TCERG1L: variants seen among roughly 807,000 people sequenced by gnomAD.
TCERG1L encodes transcription elongation regulator 1 like, also known as transcription elongation regulator 1-like protein.
In TCERG1L, 37 loss-of-function variants were observed where a neutral mutation model predicts 56.3. That is an observed-to-expected ratio of 0.66 (90% confidence interval 0.51 to 0.87). TCERG1L has a LOEUF of 0.87. Ranked by LOEUF, TCERG1L falls within the 40% of genes least tolerant of loss-of-function variation. The probability of loss-of-function intolerance (pLI) is 0.00; values close to 1 mark genes in which losing one functional copy is unlikely to be tolerated. For synonymous variants in TCERG1L, 324 were observed against 326.3 expected, an observed-to-expected ratio of 0.99 and a Z score of 0.08; for missense variants, 799 against 774.2, an observed-to-expected ratio of 1.03 and a Z score of -0.38.
intron 8 of TCERG1L, among the ~76,000 whole-genome samples, chr10:131,127,184 A>G (rs1317976593): frequency 6.6e-6 from 1 of 152,208 alleles, no homozygotes; most frequent in Non-Finnish European, 1.5e-5. Context: ...ATCTCCCCAG[A>G]GTCTAAGCAC....
At chr10:131,304,062 G>A (rs977965696) in intron 3 of TCERG1L, among the ~76,000 whole-genome samples, 3 of 151,948 alleles carry the variant, frequency 2.0e-5, no homozygotes, top group Admixed American at 6.6e-5. Flanking sequence ...TTTGAATGAA[G>A]AGAGGTACAG....
intron 4 of TCERG1L, among the ~76,000 whole-genome samples, chr10:131,232,263 A>G (rs1349050026): frequency 2.0e-5 from 3 of 152,344 alleles, no homozygotes; most frequent in African/African-American, 7.2e-5. Context: ...CCATCACTCC[A>G]TATAGGCACT....
At chr10:131,153,332 A>G (rs1845884843) in intron 6 of TCERG1L, among the ~76,000 whole-genome samples, 1 of 152,080 alleles carries the variant, frequency 6.6e-6, no homozygotes, top group African/African-American at 2.4e-5. Context: ...ACCTTCACCA[A>G]AGGTCAGGGC....
At chr10:131,210,918 T>C (rs1171713667) in intron 4 of TCERG1L, among the ~76,000 whole-genome samples, 2 of 152,184 alleles carry the variant, frequency 1.3e-5, no homozygotes, top group African/African-American at 2.4e-5. Context: ...CTTCATGTCA[T>C]CACTATTTCA....
chr10:131,257,238 A>T (rs1447051355), intron 4 of TCERG1L, among the ~76,000 whole-genome samples: 1 of 152,036 alleles, frequency 6.6e-6, no homozygotes, highest in Non-Finnish European at 1.5e-5. Context: ...GGGAGGGGCC[A>T]GCCTGATAAA....
intron 8 of TCERG1L, among the ~76,000 whole-genome samples, chr10:131,128,145 G>A (rs11017740): frequency 0.058 from 8,795 of 152,004 alleles, 546 homozygotes; most frequent in East Asian, 0.34. Flanking sequence ...AGAAATGAAA[G>A]GGAAAAAGTG....
intron 3 of TCERG1L, among the ~76,000 whole-genome samples, chr10:131,290,578 CT>C (rs1316831010): frequency 6.9e-6 from 1 of 144,850 alleles, no homozygotes; most frequent in Non-Finnish European, 1.5e-5. Context: ...TTGCAGTGAG[CT>C]GAGATCGCGC....
Position 131,192,430 on chromosome 10 carries a change from A to C in TCERG1L, c.857-25545T>G. Among the ~76,000 whole-genome samples, 2 of 144,500 alleles carry C rather than the reference A, an allele frequency of 1.4e-5. 1 individual carries two copies. 94.8% of individuals were successfully genotyped at this position (144,500 alleles called of 152,430 possible). A position where few individuals can be genotyped will look rare whatever the true frequency, so the allele number is the denominator to read the frequency against. On this transcript the variant is annotated intron_variant, in intron 4 of 11. Transcript: ENST00000368642. ...TGCTGGTGGAAAGGGAAATTGGAAC[A>C]ACCCTGATGGAAACAGTATGGAGAT...
At chr10:131,273,558 G>T (rs924650553) in intron 3 of TCERG1L, among the ~76,000 whole-genome samples, 7 of 152,238 alleles carry the variant, frequency 4.6e-5, no homozygotes, top group African/African-American at 1.7e-4. Flanking sequence ...GGTGGGGGCT[G>T]ACCCCAATGG....
At position 131,292,567 on chromosome 10, in the gene TCERG1L, C is replaced by T. The variant is rs150083249; in HGVS notation, c.670+15644G>A. ...AATCAACTTCTATTTACAGTTTCAC[C>T]GTATTCCATGTTTGGAAACAAGCTT... On this transcript the variant is annotated intron_variant, in intron 3 of 11. Coordinates refer to ENST00000368642, the MANE Select transcript of TCERG1L (RefSeq NM_174937.4). Among the ~76,000 whole-genome samples, 735 of 152,224 alleles carry T rather than the reference C, an allele frequency of 4.8e-3. 6 individuals are homozygous for T. Among genetic ancestry groups the T allele is most frequent in the Middle Eastern group, 6.8e-3 (2 of 294 alleles).
intron 3 of TCERG1L, among the ~76,000 whole-genome samples, chr10:131,306,464 A>G (rs968873853): frequency 1.3e-5 from 2 of 152,126 alleles, no homozygotes; most frequent in African/African-American, 2.4e-5. Context: ...TTTGTTGAAT[A>G]GTAGACTAGG....
At chr10:131,147,493 C>T (rs1347766201) in intron 6 of TCERG1L, among the ~76,000 whole-genome samples, 3 of 152,318 alleles carry the variant, frequency 2.0e-5, no homozygotes, top group Admixed American at 6.5e-5. Context: ...CCAGCAAGGC[C>T]GGCCGGGGCT....
intron 1 of TCERG1L, among the ~76,000 whole-genome samples, chr10:131,310,556 G>C (rs1846876245): frequency 6.6e-6 from 1 of 152,230 alleles, no homozygotes; most frequent in African/African-American, 2.4e-5. Context: ...TGCATAGTTA[G>C]CTGACAATGA....
chr10:131,211,994 T>C (rs1043607791), intron 4 of TCERG1L, among the ~76,000 whole-genome samples: 1 of 152,192 alleles, frequency 6.6e-6, no homozygotes, highest in Non-Finnish European at 1.5e-5. Flanking sequence ...TTCTCCAGAT[T>C]AGCAAGCAAG....
intron 3 of TCERG1L, among the ~76,000 whole-genome samples, chr10:131,297,013 C>CA (rs1846700934): frequency 6.6e-6 from 1 of 152,222 alleles, no homozygotes; most frequent in Non-Finnish European, 1.5e-5. Context: ...TCTATATCGT[C>CA]ATTTGTCTGC....
At chr10:131,111,973 G>A (rs1845417423) in intron 9 of TCERG1L, among the ~76,000 whole-genome samples, 1 of 142,672 alleles carries the variant, frequency 7.0e-6, no homozygotes, top group African/African-American at 2.5e-5. Flanking sequence ...GCTGCAGGCT[G>A]CTTGACCAGT....
intron 7 of TCERG1L, among the ~76,000 whole-genome samples, chr10:131,139,444 G>C (rs150598645): frequency 1.3e-3 from 204 of 152,262 alleles, no homozygotes; most frequent in African/African-American, 4.7e-3. Context: ...GAAAAGCAGG[G>C]GATTGGAGGG....
chr10:131,179,040 G>T (rs1474174556), intron 4 of TCERG1L, among the ~76,000 whole-genome samples: 1 of 152,158 alleles, frequency 6.6e-6, no homozygotes, highest in African/African-American at 2.4e-5. Flanking sequence ...CAGCCCCTCT[G>T]ACAGCAGGGG....
At chr10:131,099,104 C>T (rs1392502556) in intron 10 of TCERG1L, among the ~76,000 whole-genome samples, 13 of 152,162 alleles carry the variant, frequency 8.5e-5, no homozygotes, top group Non-Finnish European at 5.9e-5. Context: ...GCCTGACCCT[C>T]GGGCACTGGG....
Sources: gnomAD v4.1 joint callset for allele counts (sites outside exome capture counted in the v4.1 genomes callset) on GRCh38, gnomAD v4.1.1 for gene constraint, MANE v1.5 for transcripts, NCBI Gene and HGNC (gene_info 2026-07-23, HGNC 2026-07-21) for gene names.